DACH2: variants seen among roughly 807,000 people sequenced by gnomAD.
DACH2 encodes dachshund family transcription factor 2.
Under a neutral mutation model 35.8 loss-of-function variants are expected in DACH2, and 17 were observed. The observed-to-expected ratio is 0.48, with a 90% CI of 0.33 to 0.71. DACH2 has a LOEUF of 0.71. Ranked by LOEUF, DACH2 falls within the 30% of genes least tolerant of loss-of-function variation. The pLI is 0.02. For missense variants in DACH2, 469 were observed against 472.7 expected (o/e 0.99, Z 0.07); for synonymous variants, 195 against 177.3 (o/e 1.10, Z -0.79).
chrX:86,782,429 G>T (rs1353644884), intron 7 of DACH2, among the ~76,000 whole-genome samples: 1 of 111,483 alleles, frequency 9.0e-6, no homozygotes, highest in African/African-American at 3.3e-5. Context: ...TTACAATTAA[G>T]TTTGTAAGAA....
At chrX:86,465,388 G>A (rs1039125252) in intron 2 of DACH2, among the ~76,000 whole-genome samples, 1 of 112,013 alleles carries the variant, frequency 8.9e-6, no homozygotes, top group Admixed American at 9.5e-5. Flanking sequence ...AAGTAGCCAA[G>A]ACTAGAGCTT....
chrX:86,161,006 G>T, intron 1 of DACH2: 2 of 932,831 alleles, frequency 2.1e-6, no homozygotes. Flanking sequence ...CTTTACAGGT[G>T]ACTTTCCATC....
At chrX:86,685,270 T>C (rs2040928860) in intron 4 of DACH2, among the ~76,000 whole-genome samples, 1 of 111,953 alleles carries the variant, frequency 8.9e-6, no homozygotes, top group African/African-American at 3.2e-5. Flanking sequence ...GGGCTGCCAA[T>C]GGCCAACCAC....
rs1206198560 is a variant in DACH2, at chrX:86,606,229, G to T, written c.641-44807G>T. On this transcript the variant is annotated intron_variant, in intron 3 of 11. Coordinates refer to ENST00000373125, the MANE Select transcript of DACH2 (RefSeq NM_053281.3). Reference sequence around the variant, plus strand: ...TTATATCTTTTTTCTAGTAATTTTGGGTTTTGCTTACTCTTGCTTTTCTAG... The same window carrying T: ...TTATATCTTTTTTCTAGTAATTTTGTGTTTTGCTTACTCTTGCTTTTCTAG... Among the ~76,000 whole-genome samples the T allele has an allele frequency of 8.3e-5, 9 of 108,727 alleles. No homozygotes were observed. The East Asian group carries it at 2.0e-3, about 24-fold the overall frequency. The allele number at this position is 108,727 out of a possible 115,157, so 94.4% of individuals were successfully genotyped here.
In DACH2 at chrX:86,311,665, G is replaced by T. The variant is rs776310899; in HGVS notation, c.489-65159G>T. ...CAACATTACGTTCTGCTGGTCTAGA[G>T]GTCTTAGTTCCAAAGGGAGGAACGT... On this transcript the variant is annotated intron_variant, in intron 1 of 11. Coordinates refer to ENST00000373125, the MANE Select transcript of DACH2 (RefSeq NM_053281.3). 4.2e-4 allele frequency among the ~76,000 whole-genome samples: 47 copies of T among 111,186 alleles called. 1 individual carries two copies. The highest frequency in any genetic ancestry group is 1.4e-3 in the African/African-American group (43 of 30,568).
intron 7 of DACH2, among the ~76,000 whole-genome samples, chrX:86,796,384 T>A (rs1426729873): frequency 9.0e-6 from 1 of 111,725 alleles, no homozygotes; most frequent in Non-Finnish European, 1.9e-5. Flanking sequence ...AGAAAAGTTC[T>A]CCAAGTCCCC....
intron 2 of DACH2, among the ~76,000 whole-genome samples, chrX:86,466,591 G>A (rs1000361538): frequency 3.6e-5 from 4 of 111,748 alleles, no homozygotes; most frequent in African/African-American, 1.3e-4. Flanking sequence ...GAAAAAGCAA[G>A]TCCCTTCCAC....
chrX:86,417,699 T>C (rs747601329), intron 2 of DACH2, among the ~76,000 whole-genome samples: 4 of 111,066 alleles, frequency 3.6e-5, no homozygotes, highest in Non-Finnish European at 7.6e-5. Flanking sequence ...TGGGGACACA[T>C]CCAAACCATA....
chrX:86,309,634 A>G (rs1413108024), intron 1 of DACH2, among the ~76,000 whole-genome samples: 1 of 111,909 alleles, frequency 8.9e-6, no homozygotes, highest in Non-Finnish European at 1.9e-5. Flanking sequence ...TGGGAAATAA[A>G]TCTGACTAAA....
intron 3 of DACH2, among the ~76,000 whole-genome samples, chrX:86,576,668 G>A (rs1449868268): frequency 9.0e-6 from 1 of 110,952 alleles, no homozygotes; most frequent in African/African-American, 3.3e-5. Flanking sequence ...TTGGATGCTT[G>A]TTCTCCAAAT....
At chrX:86,520,943 T>A (rs1206691076) in intron 3 of DACH2, among the ~76,000 whole-genome samples, 3 of 111,748 alleles carry the variant, frequency 2.7e-5, no homozygotes, top group Non-Finnish European at 5.7e-5. Context: ...CCTGTCATTG[T>A]GCTATTAGCT....
intron 3 of DACH2, among the ~76,000 whole-genome samples, chrX:86,609,796 C>A (rs2039905855): frequency 9.0e-6 from 1 of 111,348 alleles, no homozygotes; most frequent in Admixed American, 9.6e-5. Context: ...TTTTCCCTTA[C>A]CTTCTCCCCC....
At chrX:86,441,496 T>A (rs1280327987) in intron 2 of DACH2, among the ~76,000 whole-genome samples, 4 of 109,425 alleles carry the variant, frequency 3.7e-5, no homozygotes, top group African/African-American at 1.3e-4. Context: ...TGTGTGTGTG[T>A]GTGTGTGTGT....
At chrX:86,506,570 T>G (rs1159054651) in intron 2 of DACH2, among the ~76,000 whole-genome samples, 1 of 110,566 alleles carries the variant, frequency 9.0e-6, no homozygotes, top group African/African-American at 3.3e-5. Context: ...ATGCTTTAAT[T>G]TTTTGTAGAG....
At chrX:86,175,780 C>T (rs988332055) in intron 1 of DACH2, among the ~76,000 whole-genome samples, 6 of 110,932 alleles carry the variant, frequency 5.4e-5, no homozygotes, top group African/African-American at 2.0e-4. Flanking sequence ...CTAGTTGATA[C>T]AGTATTGGGT....
chrX:86,531,025 G>A (rs750768640), intron 3 of DACH2, among the ~76,000 whole-genome samples: 3 of 111,881 alleles, frequency 2.7e-5, no homozygotes, highest in East Asian at 2.8e-4. Flanking sequence ...ACTTAAAAGA[G>A]ATTATTTAGG....
intron 1 of DACH2, among the ~76,000 whole-genome samples, chrX:86,303,432 A>T (rs2034614869): frequency 9.0e-6 from 1 of 110,512 alleles, no homozygotes; most frequent in African/African-American, 3.3e-5. Context: ...CCAAATGTGA[A>T]GTAGAACATA....
rs1204132292 is a variant in DACH2, at chrX:86,399,186, A to C, written c.527+22324A>C. 2.7e-5 allele frequency among the ~76,000 whole-genome samples: 3 copies of C among 111,635 alleles called. No individual in the cohort carries two copies. In the Admixed American group the frequency reaches 2.9e-4, roughly 11 times the overall value. ...TTGTTGGTTTAAAGTCTGTTTTATC[A>C]GAGACTAGGATTGCAACCCCTGCCT... On this transcript the variant is annotated intron_variant, in intron 2 of 11. Transcript: ENST00000373125.
At chrX:86,278,273 A>C (rs1267591596) in intron 1 of DACH2, among the ~76,000 whole-genome samples, 1 of 112,041 alleles carries the variant, frequency 8.9e-6, no homozygotes, top group Non-Finnish European at 1.9e-5. Flanking sequence ...TCCCGAGTAC[A>C]CATCGCATAA....
Sources: gnomAD v4.1 joint callset for allele counts (sites outside exome capture counted in the v4.1 genomes callset) on GRCh38, gnomAD v4.1.1 for gene constraint, MANE v1.5 for transcripts, NCBI Gene and HGNC (gene_info 2026-07-23, HGNC 2026-07-21) for gene names.